ERCC5: variants seen among roughly 807,000 people sequenced by gnomAD.
ERCC5 encodes the protein ERCC excision repair 5, endonuclease, also known as DNA excision repair protein ERCC-5.
In ERCC5, 68 loss-of-function variants were observed where a neutral mutation model predicts 105.6. The observed-to-expected ratio is 0.64, with a 90% confidence interval of 0.53 to 0.79. ERCC5 has a LOEUF of 0.79. Ranked by LOEUF, ERCC5 falls within the 30% of genes least tolerant of loss-of-function variation. The pLI is 0.00. For missense variants in ERCC5, 1,373 were observed against 1,426.7 expected, an observed-to-expected ratio of 0.96 and a Z score of 0.61; for synonymous variants, 546 against 526.2, an observed-to-expected ratio of 1.04 and a Z score of -0.51.
rs74769570 is a variant in ERCC5, at chr13:102,872,023, G to A, written c.2679-175G>A. Among the ~76,000 whole-genome samples, 788 of 152,246 alleles carry A rather than the reference G, an allele frequency of 5.2e-3. 7 individuals are homozygous for A. Among genetic ancestry groups the A allele is most frequent in the African/African-American group, 0.018 (734 of 41,528 alleles). ...AGCACAGAGGAAGACTTCCATAAATGTTTGCCATCATTATACATTGTGGCT... is the reference window on the plus strand; with the variant it reads ...AGCACAGAGGAAGACTTCCATAAATATTTGCCATCATTATACATTGTGGCT... On this transcript the variant is annotated intron_variant, in intron 12 of 14. Coordinates refer to ENST00000652225, the MANE Select transcript of ERCC5 (RefSeq NM_000123.4).
rs149867583 is a variant in ERCC5 at position 102,862,520 on chromosome 13, C to T, written c.1371C>T (p.His457=). 7.4e-6 allele frequency: 12 copies of T among 1,613,988 alleles called. No homozygotes were observed. The highest frequency in any genetic ancestry group is 2.2e-5 in the East Asian group (1 of 44,884). Reference sequence around the variant, plus strand: ...CTAGTGTGAACTCTGCAGAGGAGCACGTAGCCAGCACTAATGAGGGGAGAG... The same window carrying T: ...CTAGTGTGAACTCTGCAGAGGAGCATGTAGCCAGCACTAATGAGGGGAGAG... ...ASSSVNSAEE[H]VASTNEGREP... Residue 457 remains histidine, a synonymous_variant, in exon 8 of 15, where the codon CAC becomes CAT. Coordinates refer to ENST00000652225, the MANE Select transcript of ERCC5 (RefSeq NM_000123.4).
chr13:102,855,953 C>T (rs965693148), intron 4 of ERCC5, 99 bp from the exon 5 acceptor site: 2 of 1,211,062 alleles, frequency 1.7e-6, no homozygotes, highest in Non-Finnish European at 2.4e-6. Flanking sequence ...GTTTTATTCA[C>T]CACTGTAGCC....
In ERCC5 at chr13:102,875,513, G is replaced by A. The variant is rs2140543337; in HGVS notation, c.3171G>A (p.Lys1057=). The change falls in exon 15 of 15, where the codon AAG becomes AAA. Residue 1057 remains lysine, a synonymous_variant. Transcript: ENST00000652225. The part of the protein sequence containing the change: ...LLDKAKGKTQ[K]RGITNTLEES... Reference sequence around the variant, plus strand: ...ATAAGGCAAAAGGAAAAACCCAGAAGAGAGGCATAACAAATACCTTAGAAG... The same window carrying A: ...ATAAGGCAAAAGGAAAAACCCAGAAAAGAGGCATAACAAATACCTTAGAAG... 6.2e-7 allele frequency: 1 copy of A among 1,614,104 alleles called. No individual in the cohort carries two copies. Among genetic ancestry groups the A allele is most frequent in the Non-Finnish European group, 8.5e-7 (1 of 1,179,968 alleles).
chr13:102,849,197 A>G lies in ERCC5; in HGVS notation c.88+2843A>G, dbSNP rs116920950. On this transcript the variant is annotated intron_variant, in intron 1 of 14. Coordinates refer to ENST00000652225, the MANE Select transcript of ERCC5 (RefSeq NM_000123.4). ...ACACCAAGTTCTACCTCTGAGATGT[A>G]TCTTTTATCCGATCTCTTCTCGTGG... The G allele has an allele frequency of 3.9e-4, 205 of 519,028 alleles. 2 individuals are homozygous for G. The East Asian group carries it at 9.1e-3, about 23-fold the overall frequency. 32.2% of individuals were successfully genotyped at this position (519,028 alleles called of 1,614,324 possible).
chr13:102,864,410 A>G (rs968148223), intron 8 of ERCC5, among the ~76,000 whole-genome samples: 3 of 152,096 alleles, frequency 2.0e-5, no homozygotes, highest in Non-Finnish European at 4.4e-5. Flanking sequence ...ACATCCTCCT[A>G]TGAGGAAGAT....
intron 8 of ERCC5, among the ~76,000 whole-genome samples, chr13:102,864,166 A>ACACACACACACC (rs1595384698): frequency 6.9e-6 from 1 of 145,726 alleles, no homozygotes; most frequent in Non-Finnish European, 1.5e-5. Flanking sequence ...ACACACACAC[A>ACACACACACACC]ATTTGTTCCT....
chr13:102,851,506 G>A (rs1882202521), intron 1 of ERCC5, among the ~76,000 whole-genome samples: 1 of 152,132 alleles, frequency 6.6e-6, no homozygotes, highest in Admixed American at 6.5e-5. Context: ...TGTTGGCCAG[G>A]ATGGTCTCGA....
chr13:102,850,462 G>C (rs1326835421), intron 1 of ERCC5, among the ~76,000 whole-genome samples: 2 of 152,168 alleles, frequency 1.3e-5, no homozygotes, highest in Non-Finnish European at 2.9e-5. Context: ...ATCATTCAAG[G>C]CTTCCTAGAC....
At chr13:102,853,048 GAGGATATAGGATAAAAGTA>G (rs1882264135) in intron 2 of ERCC5, among the ~76,000 whole-genome samples, 1 of 152,130 alleles carries the variant, frequency 6.6e-6, no homozygotes, top group Non-Finnish European at 1.5e-5. Context: ...CTCTCTAAAT[GAGGATATAGGATAAAAGTA>G]AGGATATAGG....
intron 2 of ERCC5, 23 bp from the exon 3 acceptor site, chr13:102,853,734 T>G (rs1017806595): frequency 6.2e-7 from 1 of 1,606,998 alleles, no homozygotes; most frequent in Non-Finnish European, 8.5e-7. Flanking sequence ...TGAAGTGAGA[T>G]CTTACATCCT....
chr13:102,852,070 G>T (rs373077897), intron 1 of ERCC5, 48 bp from the exon 2 acceptor site: 9 of 1,601,442 alleles, frequency 5.6e-6, no homozygotes, highest in African/African-American at 1.3e-5. Context: ...GAAGTTGTGA[G>T]GATGAAGAGA....
At chr13:102,860,986 ATTTT>A (rs11361768) in intron 6 of ERCC5, among the ~76,000 whole-genome samples, 5 of 107,374 alleles carry the variant, frequency 4.7e-5, no homozygotes, top group Non-Finnish European at 4.0e-5. Context: ...AGTATTCATG[ATTTT>A]TTTTTTTTTT....
chr13:102,868,335 GA>G, intron 12 of ERCC5, 78 bp downstream of exon 12: 15 of 1,569,850 alleles, frequency 9.6e-6, no homozygotes, highest in Non-Finnish European at 1.1e-5. Context: ...TTTACAGCAT[GA>G]ACTGTCATGC....
Position 102,857,992 on chromosome 13 carries a change from T to C in ERCC5, c.529-283T>C, listed in dbSNP as rs550187339. 2.0e-5 allele frequency among the ~76,000 whole-genome samples: 3 copies of C among 152,342 alleles called. No individual in the cohort carries two copies. The South Asian group carries it at 6.2e-4, about 32-fold the overall frequency. On this transcript the variant is annotated intron_variant, in intron 5 of 14. Transcript: ENST00000652225. Reference sequence around the variant, plus strand: ...AGAGCAGGGACCTTATCTGGCACCTTATCCGATCTCACAGTACCTTAGCAC... The same window carrying C: ...AGAGCAGGGACCTTATCTGGCACCTCATCCGATCTCACAGTACCTTAGCAC...
Position 102,872,209 on chromosome 13 carries a change from A to G in ERCC5, c.2690A>G (p.His897Arg). The change falls in exon 13 of 15, where the codon CAT becomes CGT. Residue 897 changes from histidine (H) to arginine (R), a missense_variant. Transcript: ENST00000652225. ...CCTTTATTTTACAGAGAATGGTGGC[A>G]TGAAGCTCAAAAAAATCCAAAGATA... ...EPLLKFSEWW[H>R]EAQKNPKIRP... is the part of the protein sequence containing the mutation. 1.2e-6 allele frequency: 2 copies of G among 1,614,140 alleles called. No homozygotes were observed. The highest frequency in any genetic ancestry group is 1.7e-6 in the Non-Finnish European group (2 of 1,180,006).
rs1403731198 is a variant in ERCC5, at chr13:102,862,981, A to G, written c.1832A>G (p.His611Arg). The G allele has an allele frequency of 1.9e-6, 3 of 1,614,118 alleles. No individual in the cohort carries two copies. The highest frequency in any genetic ancestry group is 2.5e-6 in the Non-Finnish European group (3 of 1,180,044). ...GTGGTGTCATTTAATGCTAAAGAGC[A>G]TGAGAATTTTCTGGAAACCATCCAA... Reference protein sequence around the residue: ...ENVVSFNAKEHENFLETIQEQ... With the variant: ...ENVVSFNAKERENFLETIQEQ... Residue 611 changes from histidine to arginine, a missense_variant, in exon 8 of 15, where the codon CAT becomes CGT. Coordinates refer to ENST00000652225, the MANE Select transcript of ERCC5 (RefSeq NM_000123.4).
At chr13:102,866,120 G>A (rs1882826166) in intron 9 of ERCC5, 142 bp from the exon 10 acceptor site, 1 of 1,463,338 alleles carries the variant, frequency 6.8e-7, no homozygotes, top group Non-Finnish European at 9.4e-7. Context: ...ATATTACAGA[G>A]TCTTGGTTAG....
chr13:102,853,762 G>C lies in ERCC5; in HGVS notation c.270G>C (p.Lys90Asn), dbSNP rs760695391. The C allele has an allele frequency of 1.2e-6, 2 of 1,614,012 alleles. No individual in the cohort carries two copies. The highest frequency in any genetic ancestry group is 2.2e-5 in the South Asian group (2 of 91,074). ...APLLKKQTLV[K>N]RRQRKDLASS... ...TACATCCTTTCTTCTCATAGGTGAA[G>C]AGAAGGCAGAGAAAGGACTTAGCGT... The change falls in exon 3 of 15, where the codon AAG becomes AAC. Residue 90 changes from lysine to asparagine, a missense_variant. By Grantham distance (94) the Lys-to-Asn change is moderately conservative (BLOSUM62 0). Transcript: ENST00000652225.
intron 11 of ERCC5, among the ~76,000 whole-genome samples, chr13:102,867,907 G>A (rs1259151075): frequency 6.6e-6 from 1 of 152,110 alleles, no homozygotes; most frequent in African/African-American, 2.4e-5. Context: ...CGTATAGAGG[G>A]TATTTAAAGC....
Sources: gnomAD v4.1 joint callset for allele counts (sites outside exome capture counted in the v4.1 genomes callset) on GRCh38, gnomAD v4.1.1 for gene constraint, MANE v1.5 for transcripts, NCBI Gene and HGNC (gene_info 2026-07-23, HGNC 2026-07-21) for gene names.